The following SH3D19 variants were observed in gnomAD, a reference collection of about 807,000 sequenced individuals.
SH3D19 encodes the protein SH3 domain containing 19, also known as SH3 domain-containing protein 19.
A neutral mutation model predicts 112.1 loss-of-function variants in SH3D19; 58 were observed. The observed-to-expected ratio is 0.52, with a 90% CI of 0.42 to 0.64. The LOEUF (loss-of-function observed/expected upper bound fraction) is 0.64, where lower values mean the gene tolerates loss of function less well. Ranked by LOEUF, SH3D19 falls within the 30% of genes least tolerant of loss-of-function variation. The pLI, the probability that SH3D19 is intolerant of heterozygous loss-of-function variation, is 0.00. For missense variants in SH3D19, 1,090 were observed against 1,263.4 expected, an observed-to-expected ratio of 0.86 and a Z score of 2.08; for synonymous variants, 391 against 448.5, an observed-to-expected ratio of 0.87 and a Z score of 1.62.
intron 3 of SH3D19, among the ~76,000 whole-genome samples, chr4:151,184,022 C>T (rs1252698013): frequency 6.6e-6 from 1 of 152,098 alleles, no homozygotes; most frequent in East Asian, 1.9e-4. Context: ...ACAATATTAA[C>T]TAAGTCTGAA....
At chr4:151,214,414 A>AGGGGGCT (rs1561355726) in intron 2 of SH3D19, among the ~76,000 whole-genome samples, 6 of 97,830 alleles carry the variant, frequency 6.1e-5, no homozygotes, top group South Asian at 3.6e-4. Flanking sequence ...GTGGCCGGGC[A>AGGGGGCT]GAGGCGCCCC....
rs1471879121 is a variant in SH3D19, at chr4:151,176,829, C to G, written c.363G>C (p.Leu121=). 1 of 1,232,026 alleles carries G rather than the reference C, an allele frequency of 8.1e-7. No individual in the cohort carries two copies. The highest frequency in any genetic ancestry group is 1.0e-6 in the Non-Finnish European group (1 of 987,978). The allele number at this position is 1,232,026 out of a possible 1,614,324, so 76.3% of individuals were successfully genotyped here. ...AATGTTTATTCACCTCAGCAGGAAC[C>G]AGCTCATTAGGCCTCCAAGAGCCTG... ...SAAGSWRPNE[L]VPAELPPSYE... is the part of the protein sequence containing the mutation. Residue 121 remains leucine, a synonymous_variant, in exon 5 of 20, where the codon CTG becomes CTC. Coordinates refer to ENST00000604030, the MANE Select transcript of SH3D19 (RefSeq NM_001378122.1).
At position 151,125,492 on chromosome 4, in the gene SH3D19, C is replaced by CAA. The variant is rs112707542; in HGVS notation, c.3027+2124_3027+2125dup. Reference sequence around the variant, plus strand: ...GAAACAAAACAAAACAAAACAAAACCAAAAAAAAAAAAAAAGAAAGAAAGA... The same window carrying CAA: ...GAAACAAAACAAAACAAAACAAAACCAAAAAAAAAAAAAAAAAGAAAGAAAGA... On this transcript the variant is annotated intron_variant, in intron 19 of 19. Transcript: ENST00000604030. Among the ~76,000 whole-genome samples, 238 of 119,954 alleles carry CAA rather than the reference C, an allele frequency of 2.0e-3. 2 individuals carry two copies. The highest frequency in any genetic ancestry group is 8.2e-3 in the African/African-American group (223 of 27,336). 78.7% of individuals were successfully genotyped at this position (119,954 alleles called of 152,430 possible).
At chr4:151,229,496 T>TCACA (rs1015982298) in intron 1 of SH3D19, among the ~76,000 whole-genome samples, 1 of 151,508 alleles carries the variant, frequency 6.6e-6, no homozygotes, top group Non-Finnish European at 1.5e-5. Context: ...TAGATATGTA[T>TCACA]CACACACACA....
intron 1 of SH3D19, among the ~76,000 whole-genome samples, chr4:151,318,548 T>C (rs1348428540): frequency 6.6e-6 from 1 of 152,048 alleles, no homozygotes; most frequent in Non-Finnish European, 1.5e-5. Context: ...CAACATGAAT[T>C]CATAACTATT....
chr4:151,137,674 A>G, intron 14 of SH3D19, 58 bp downstream of exon 14: 3 of 1,380,050 alleles, frequency 2.2e-6, no homozygotes, highest in Non-Finnish European at 2.9e-6. Context: ...TCCAACCTAC[A>G]AGTCACATAG....
intron 2 of SH3D19, among the ~76,000 whole-genome samples, chr4:151,193,690 G>A (rs1457827942): frequency 6.6e-6 from 1 of 152,158 alleles, no homozygotes; most frequent in East Asian, 1.9e-4. Context: ...ATACAACTTG[G>A]TTTGGGAAGA....
intron 1 of SH3D19, among the ~76,000 whole-genome samples, chr4:151,234,746 T>G (rs1769895192): frequency 1.6e-5 from 2 of 124,198 alleles, no homozygotes; most frequent in East Asian, 2.3e-4. Context: ...TTTTTTTTTT[T>G]TTTTTTTTTT....
chr4:151,291,036 T>C, intron 1 of SH3D19: 1 of 1,107,666 alleles, frequency 9.0e-7, no homozygotes, highest in Non-Finnish European at 1.3e-6. Flanking sequence ...GGCCCAGTTT[T>C]AAAGAATTCT....
rs749256514 is a variant in SH3D19 at position 151,144,044 on chromosome 4, C to A, written c.2089G>T (p.Asp697Tyr). 1.9e-6 allele frequency: 3 copies of A among 1,613,618 alleles called. No homozygotes were observed. Among genetic ancestry groups the A allele is most frequent in the Non-Finnish European group, 2.5e-6 (3 of 1,179,832 alleles). ...GTCTGCTTCAGCATCACAAGTACAT[C>A]CCCACGCTGCAAGGTACAATACCAC... ...HPLYSKYMRGDVLVMLKQTEN... is the reference protein window; with the variant it reads ...HPLYSKYMRGYVLVMLKQTEN... The change falls in exon 12 of 20, where the codon GAT becomes TAT. Residue 697 changes from aspartate (D) to tyrosine (Y), a missense_variant. Coordinates refer to ENST00000604030, the MANE Select transcript of SH3D19 (RefSeq NM_001378122.1).
At chr4:151,237,098 G>A (rs1219045503) in intron 1 of SH3D19, among the ~76,000 whole-genome samples, 2 of 152,064 alleles carry the variant, frequency 1.3e-5, no homozygotes, top group Admixed American at 6.5e-5. Flanking sequence ...TTTATGAGCT[G>A]TAACATGCAC....
chr4:151,274,494 TC>T (rs1773442659), intron 1 of SH3D19, among the ~76,000 whole-genome samples: 1 of 152,162 alleles, frequency 6.6e-6, no homozygotes, highest in Non-Finnish European at 1.5e-5. Context: ...AAATAAGACG[TC>T]TTGGGAGTCT....
chr4:151,262,735 T>A (rs989748712), intron 1 of SH3D19: 7 of 151,336 alleles, frequency 4.6e-5, no homozygotes, highest in Non-Finnish European at 1.0e-4. Flanking sequence ...GATCCCGTGA[T>A]GTGTCAAGTT....
chr4:151,315,655 A>G (rs112382904), intron 1 of SH3D19, among the ~76,000 whole-genome samples: 2,091 of 152,218 alleles, frequency 0.014, 45 homozygotes, highest in African/African-American at 0.046. Flanking sequence ...AAACTAAGGG[A>G]GTATTAAAGA....
intron 2 of SH3D19, among the ~76,000 whole-genome samples, chr4:151,210,434 C>T (rs1468566873): frequency 2.1e-5 from 3 of 142,594 alleles, no homozygotes; most frequent in Non-Finnish European, 4.5e-5. Context: ...GACAGAGTCT[C>T]GCTGTCACCC....
chr4:151,226,135 T>TGGAAA lies in SH3D19; in HGVS notation c.113-54_113-50dup, dbSNP rs1353075070. 1.3e-5 allele frequency: 16 copies of TGGAAA among 1,229,748 alleles called. No individual in the cohort carries two copies. The East Asian group carries it at 5.1e-4, about 39-fold the overall frequency. 76.2% of individuals were successfully genotyped at this position (1,229,748 alleles called of 1,614,324 possible). A position where few individuals can be genotyped will look rare whatever the true frequency, so the allele number is the denominator to read the frequency against. On this transcript the variant is annotated intron_variant, in intron 1 of 19. Coordinates refer to ENST00000604030, the MANE Select transcript of SH3D19 (RefSeq NM_001378122.1). ...GTGTCAAAAGGTTCTTTAAAAGCTC[T>TGGAAA]GGAAAGAAGTTTTTAAATACCAGCT...
intron 1 of SH3D19, among the ~76,000 whole-genome samples, chr4:151,234,350 G>C (rs943389746): frequency 6.6e-6 from 1 of 152,188 alleles, no homozygotes; most frequent in African/African-American, 2.4e-5. Flanking sequence ...TTGTTTCAGA[G>C]ATGAAATCAA....
intron 2 of SH3D19, among the ~76,000 whole-genome samples, chr4:151,196,005 A>C (rs1421827571): frequency 1.3e-5 from 2 of 152,008 alleles, no homozygotes; most frequent in Non-Finnish European, 2.9e-5. Flanking sequence ...AAGGGGTGAC[A>C]CATCCCTTCG....
At chr4:151,237,687 A>G (rs1770233393) in intron 1 of SH3D19, among the ~76,000 whole-genome samples, 1 of 152,224 alleles carries the variant, frequency 6.6e-6, no homozygotes, top group African/African-American at 2.4e-5. Context: ...AAAGGGTAGT[A>G]TATTTGCTAT....
Sources: allele counts gnomAD v4.1 joint callset (sites outside exome capture counted in the v4.1 genomes callset), GRCh38; gene constraint gnomAD v4.1.1; transcripts MANE v1.5; gene names NCBI Gene and HGNC (gene_info 2026-07-23, HGNC 2026-07-21).